Variants in MDGA2 observed in about 807,000 individuals in gnomAD.
MDGA2 encodes MAM domain-containing glycosylphosphatidylinositol anchor protein 2.
A neutral mutation model predicts 117.8 loss-of-function variants in MDGA2; 40 were observed. That is an observed-to-expected ratio of 0.34 (90% CI 0.26 to 0.44). MDGA2 has a LOEUF of 0.44. Ranked by LOEUF, MDGA2 falls within the 20% of genes least tolerant of loss-of-function variation. The pLI is 1.00. For synonymous variants in MDGA2, 452 were observed against 439.0 expected (o/e 1.03, Z -0.37); for missense variants, 1,123 against 1,250.6 (o/e 0.90, Z 1.54).
chr14:47,370,468 G>GTCTTTTTTTTTTTTTTTTTTT (rs1891322901), intron 1 of MDGA2, among the ~76,000 whole-genome samples: 2 of 20,678 alleles, frequency 9.7e-5, no homozygotes, highest in East Asian at 5.0e-3. Context: ...TCTACTTACT[G>GTCTTTTTTTTTTTTTTTTTTT]TTTTTTTTTT....
chr14:47,237,869 A>G (rs1886915847), intron 2 of MDGA2, among the ~76,000 whole-genome samples: 1 of 152,080 alleles, frequency 6.6e-6, no homozygotes, highest in Non-Finnish European at 1.5e-5. Flanking sequence ...CCTCTAATCT[A>G]TGTCCCAAAT....
intron 5 of MDGA2, among the ~76,000 whole-genome samples, chr14:47,126,593 A>C (rs922874519): frequency 6.6e-6 from 1 of 152,162 alleles, no homozygotes; most frequent in African/African-American, 2.4e-5. Context: ...TCTACAGATG[A>C]CATTGACTTT....
At chr14:46,951,901 A>G (rs2138613871) in intron 9 of MDGA2, among the ~76,000 whole-genome samples, 1 of 152,100 alleles carries the variant, frequency 6.6e-6, no homozygotes, top group Non-Finnish European at 1.5e-5. Context: ...CAGAAATAAT[A>G]ACCAACACAG....
chr14:47,109,496 G>A (rs543640958), intron 5 of MDGA2, among the ~76,000 whole-genome samples: 2 of 152,248 alleles, frequency 1.3e-5, no homozygotes, highest in African/African-American at 2.4e-5. Flanking sequence ...AGAGTAAAAA[G>A]GGTAGTGTTT....
At chr14:47,201,170 C>T (rs1885493600) in intron 3 of MDGA2, 1 of 639,994 alleles carries the variant, frequency 1.6e-6, no homozygotes, top group African/African-American at 1.8e-5. Context: ...TTTACCTGCT[C>T]CATCAACTTC....
chr14:47,312,058 T>G (rs560193239), intron 1 of MDGA2, among the ~76,000 whole-genome samples: 1 of 152,162 alleles, frequency 6.6e-6, no homozygotes, highest in Non-Finnish European at 1.5e-5. Flanking sequence ...CCATACAATG[T>G]GAAACATAAG....
At chr14:46,912,494 G>A (rs999317636) in intron 10 of MDGA2, among the ~76,000 whole-genome samples, 2 of 152,044 alleles carry the variant, frequency 1.3e-5, no homozygotes, top group African/African-American at 2.4e-5. Flanking sequence ...TCTGGATAAC[G>A]GTTTTATGCT....
At position 47,360,194 on chromosome 14, in the gene MDGA2, A is replaced by G. The variant is rs182601732; in HGVS notation, c.281-58644T>C. ...TGGAGAAACCCCATCTCTACTAAAA[A>G]TACAAAATTAGCCGGATGTGGTGGT... is the stretch of plus-strand genomic sequence containing the variant. On this transcript the variant is annotated intron_variant, in intron 1 of 16. Coordinates refer to ENST00000399232, the MANE Select transcript of MDGA2 (RefSeq NM_001113498.3). Among the ~76,000 whole-genome samples the G allele has an allele frequency of 4.7e-3, 717 of 151,962 alleles. 5 individuals carry two copies. The highest frequency in any genetic ancestry group is 8.3e-3 in the Non-Finnish European group (565 of 67,966).
intron 11 of MDGA2, among the ~76,000 whole-genome samples, chr14:46,879,257 A>C (rs192260118): frequency 6.6e-6 from 1 of 151,996 alleles, no homozygotes; most frequent in Non-Finnish European, 1.5e-5. Context: ...AAAAGTGACC[A>C]TCTATAAATT....
At chr14:47,556,238 A>G (rs183939637) in intron 1 of MDGA2, among the ~76,000 whole-genome samples, 1 of 152,236 alleles carries the variant, frequency 6.6e-6, no homozygotes, top group East Asian at 1.9e-4. Context: ...ACTTAATCAA[A>G]CACAAACTCC....
In MDGA2 at chr14:47,508,674, T is replaced by TTTTG. The variant is rs536050732; in HGVS notation, c.280+165839_280+165842dup. ...TCTTGTGCATAAAGGAACACAACTT[T>TTTTG]TTTGTTTGTTTGTTTGTTTTTTTGA... On this transcript the variant is annotated intron_variant, in intron 1 of 16. Coordinates refer to ENST00000399232, the MANE Select transcript of MDGA2 (RefSeq NM_001113498.3). 1.9e-3 allele frequency among the ~76,000 whole-genome samples: 285 copies of TTTTG among 151,872 alleles called. 3 individuals are homozygous for TTTTG. Among genetic ancestry groups the TTTTG allele is most frequent in the African/African-American group, 6.6e-3 (274 of 41,430 alleles).
intron 1 of MDGA2, among the ~76,000 whole-genome samples, chr14:47,665,547 G>C (rs112259361): frequency 0.065 from 9,839 of 152,254 alleles, 1,056 homozygotes; most frequent in African/African-American, 0.22. Flanking sequence ...GCATGAGTGG[G>C]AACCAGGGCT....
intron 2 of MDGA2, among the ~76,000 whole-genome samples, chr14:47,272,195 A>T (rs886160185): frequency 6.6e-6 from 1 of 151,574 alleles, no homozygotes; most frequent in African/African-American, 2.4e-5. Flanking sequence ...TTGAGACCTA[A>T]CTACCTGCCC....
intron 3 of MDGA2, among the ~76,000 whole-genome samples, chr14:47,183,251 C>G (rs1884781472): frequency 6.6e-6 from 1 of 152,078 alleles, no homozygotes; most frequent in Non-Finnish European, 1.5e-5. Flanking sequence ...AAGCCCAGCA[C>G]AGTTGAACCT....
intron 1 of MDGA2, among the ~76,000 whole-genome samples, chr14:47,368,780 AT>A (rs1555376707): frequency 1.1e-5 from 1 of 92,932 alleles, no homozygotes; most frequent in African/African-American, 3.6e-5. Context: ...AAAGCGCATA[AT>A]TAGAGAGTTC....
chr14:47,155,567 C>G (rs12434637), intron 3 of MDGA2, among the ~76,000 whole-genome samples: 3,408 of 152,194 alleles, frequency 0.022, 60 homozygotes, highest in Non-Finnish European at 0.033. Context: ...AGGGAGCCAA[C>G]GCCCATGCCG....
At chr14:47,059,498 G>A in intron 7 of MDGA2, 1 of 364,648 alleles carries the variant, frequency 2.7e-6, no homozygotes, top group Non-Finnish European at 5.2e-6. Context: ...AATCAATGTT[G>A]GTCATCTTTA....
chr14:46,980,026 T>C (rs1216948543), intron 8 of MDGA2, among the ~76,000 whole-genome samples: 2 of 152,176 alleles, frequency 1.3e-5, no homozygotes, highest in Non-Finnish European at 2.9e-5. Context: ...GATTATACTG[T>C]TAGGGGCTAC....
At chr14:47,094,910 A>T (rs547794645) in intron 6 of MDGA2, among the ~76,000 whole-genome samples, 30 of 152,172 alleles carry the variant, frequency 2.0e-4, no homozygotes, top group Middle Eastern at 3.4e-3. Context: ...CACAAGGCTT[A>T]AAATGAGCCC....
Sources: gnomAD v4.1 joint callset for allele counts (sites outside exome capture counted in the v4.1 genomes callset) on GRCh38, gnomAD v4.1.1 for gene constraint, MANE v1.5 for transcripts, NCBI Gene and HGNC (gene_info 2026-07-23, HGNC 2026-07-21) for gene names.